CCSAP: variants seen among roughly 807,000 people sequenced by gnomAD.
CCSAP encodes centriole, cilia and spindle associated protein, also known as centriole, cilia and spindle-associated protein.
A neutral mutation model predicts 25.9 loss-of-function variants in CCSAP; 17 were observed. The ratio of observed to expected loss-of-function variants is 0.66; its 90% CI spans 0.45 to 0.99. CCSAP has a LOEUF of 0.99. CCSAP is among the 50% of genes least tolerant of loss of function. The pLI, the probability that CCSAP is intolerant of heterozygous loss-of-function variation, is 0.00. For missense variants in CCSAP, 339 were observed against 367.8 expected (o/e 0.92, Z 0.64); for synonymous variants, 169 against 157.1 (o/e 1.08, Z -0.57).
rs116804109 is a variant in CCSAP, at chr1:229,329,598, C to T, written c.368-2592G>A. ...TAGGAATGAGGCCCCTAGCTCCACACGTGGAAGATGGGTGAGATCAGAAAT... is the reference window on the plus strand; with the variant it reads ...TAGGAATGAGGCCCCTAGCTCCACATGTGGAAGATGGGTGAGATCAGAAAT... On this transcript the variant is annotated intron_variant, in intron 2 of 3. Coordinates refer to ENST00000284617, the MANE Select transcript of CCSAP (RefSeq NM_145257.5). Among the ~76,000 whole-genome samples, 1,043 of 152,234 alleles carry T rather than the reference C, an allele frequency of 6.9e-3. 11 individuals are homozygous for T. Among genetic ancestry groups the T allele is most frequent in the African/African-American group, 0.024 (1,000 of 41,532 alleles).
chr1:229,331,392 C>T (rs547460500), intron 2 of CCSAP, among the ~76,000 whole-genome samples: 101 of 152,122 alleles, frequency 6.6e-4, no homozygotes, highest in Non-Finnish European at 1.1e-3. Flanking sequence ...AACTCATCAC[C>T]GTAACATTAA....
intron 2 of CCSAP, among the ~76,000 whole-genome samples, chr1:229,337,538 A>G (rs1658218571): frequency 6.6e-6 from 1 of 150,986 alleles, no homozygotes; most frequent in Non-Finnish European, 1.5e-5. Context: ...GGAACAGGCC[A>G]AGCAAAAGGA....
chr1:229,335,189 C>T (rs1490112074), intron 2 of CCSAP, among the ~76,000 whole-genome samples: 1 of 152,124 alleles, frequency 6.6e-6, no homozygotes, highest in Admixed American at 6.5e-5. Context: ...TATAATGACG[C>T]ACACCTGTGG....
chr1:229,341,009 C>T (rs1371826078), intron 2 of CCSAP, among the ~76,000 whole-genome samples: 1 of 152,084 alleles, frequency 6.6e-6, no homozygotes, highest in African/African-American at 2.4e-5. Context: ...GCCTGACCAA[C>T]ATGGTGAAAC....
rs768451855 is a variant in CCSAP, at chr1:229,325,227, G to A, written c.*8C>T. ...TTTTTAAAAGAGGCTGTCCACGCAA[G>A]TGTTTCTTTAAGCTCTTGCCGAATA... On this transcript the variant is annotated 3_prime_UTR_variant, in exon 4 of 4. Transcript: ENST00000284617. The A allele has an allele frequency of 1.9e-6, 3 of 1,585,216 alleles. No individual in the cohort carries two copies. The highest frequency in any genetic ancestry group is 1.9e-5 in the Admixed American group (1 of 51,728).
At position 229,325,013 on chromosome 1, in the gene CCSAP, A is replaced by G. The variant is rs1322080957; in HGVS notation, c.*222T>C. The G allele has an allele frequency of 2.3e-6, 1 of 436,266 alleles. No homozygotes were observed. The highest frequency in any genetic ancestry group is 4.0e-6 in the Non-Finnish European group (1 of 246,968). 27.0% of individuals were successfully genotyped at this position (436,266 alleles called of 1,614,324 possible). ...ATCAAAGATTTAGGGAATTATCTTC[A>G]TAAATAACCAAATGTCTATGGCTTC... On this transcript the variant is annotated 3_prime_UTR_variant, in exon 4 of 4. Coordinates refer to ENST00000284617, the MANE Select transcript of CCSAP (RefSeq NM_145257.5).
intron 2 of CCSAP, among the ~76,000 whole-genome samples, chr1:229,328,775 T>TA (rs1658003502): frequency 6.6e-6 from 1 of 152,238 alleles, no homozygotes; most frequent in Non-Finnish European, 1.5e-5. Context: ...CACATACTTG[T>TA]AAGAAACCTT....
Position 229,326,734 on chromosome 1 carries a change from G to C in CCSAP, c.636+4C>G. 6 of 1,613,736 alleles carry C rather than the reference G, an allele frequency of 3.7e-6. No homozygotes were observed. Among genetic ancestry groups the C allele is most frequent in the Non-Finnish European group, 4.2e-6 (5 of 1,179,668 alleles). Reference sequence around the variant, plus strand: ...ACACAGAACCACAAGGGCCCAGAGCGCACCTCGTGCACAGGAGCGGACGCA... The same window carrying C: ...ACACAGAACCACAAGGGCCCAGAGCCCACCTCGTGCACAGGAGCGGACGCA... On this transcript the variant is annotated splice_donor_region_variant and intron_variant, in intron 3 of 3. Coordinates refer to ENST00000284617, the MANE Select transcript of CCSAP (RefSeq NM_145257.5).
chr1:229,323,560 A>T lies in CCSAP; in HGVS notation c.*1675T>A, dbSNP rs2102689665. 1 of 152,354 alleles carries T rather than the reference A, an allele frequency of 6.6e-6. No individual in the cohort carries two copies. Among genetic ancestry groups the T allele is most frequent in the Non-Finnish European group, 1.5e-5 (1 of 68,032 alleles). 9.4% of individuals were successfully genotyped at this position (152,354 alleles called of 1,614,324 possible). The stretch of plus-strand genomic sequence containing the variant: ...CCTGTGTCGTTTAAAGACTTTAATA[A>T]TAGTTAATACCAAAATTCACCAGTT... On this transcript the variant is annotated 3_prime_UTR_variant, in exon 4 of 4. Transcript: ENST00000284617.
intron 2 of CCSAP, 105 bp downstream of exon 2, chr1:229,341,994 A>G: frequency 8.2e-7 from 1 of 1,225,658 alleles, no homozygotes; most frequent in Non-Finnish European, 1.0e-6. Context: ...AAAAAAAGGA[A>G]GAGCCAGCCC....
intron 2 of CCSAP, among the ~76,000 whole-genome samples, chr1:229,336,717 A>G (rs1318892038): frequency 6.6e-6 from 1 of 152,242 alleles, no homozygotes; most frequent in Admixed American, 6.5e-5. Context: ...GGAAGAGACC[A>G]AAATTATGCA....
intron 3 of CCSAP, among the ~76,000 whole-genome samples, chr1:229,325,876 A>T (rs1657928487): frequency 6.6e-6 from 1 of 152,234 alleles, no homozygotes. Flanking sequence ...ATCCTGTTAA[A>T]ATTAATCCCA....
In CCSAP at chr1:229,342,381, C is replaced by T; in HGVS notation, c.85G>A (p.Glu29Lys). 1.3e-6 allele frequency: 2 copies of T among 1,503,934 alleles called. No individual in the cohort carries two copies. Among genetic ancestry groups the T allele is most frequent in the Non-Finnish European group, 1.8e-6 (2 of 1,124,054 alleles). 93.2% of individuals were successfully genotyped at this position (1,503,934 alleles called of 1,614,324 possible). ...RWEEYGPCYRELLHYRLGRRL... is the reference protein window; with the variant it reads ...RWEEYGPCYRKLLHYRLGRRL... ...CGGCCTAGGCGGTAGTGCAGCAGCT[C>T]GCGGTAGCACGGCCCGTACTCCTCC... The change falls in exon 2 of 4, where the codon GAG becomes AAG. Residue 29 changes from glutamate (E) to lysine (K), a missense_variant. Physicochemically the swap from Glu to Lys is moderately conservative, Grantham distance 56. Transcript: ENST00000284617. This position sits in a 1 kb window ranked among gnomAD's most constrained non-coding sequence, Gnocchi z 7.5.
At chr1:229,337,945 TAAGC>T (rs1220940916) in intron 2 of CCSAP, among the ~76,000 whole-genome samples, 4 of 150,882 alleles carry the variant, frequency 2.7e-5, no homozygotes, top group Non-Finnish European at 4.4e-5. Flanking sequence ...AAAAACAAAA[TAAGC>T]AAACAAAAAA....
rs941977109 is a variant in CCSAP, at chr1:229,342,524, C to G, written c.-48-11G>C. ...CTCGCTGCCCGCAGCCTACGGGACC[C>G]GGTACACGACACAGAGGCCGCCCCG... On this transcript the variant is annotated splice_polypyrimidine_tract_variant and intron_variant, in intron 1 of 3. Coordinates refer to ENST00000284617, the MANE Select transcript of CCSAP (RefSeq NM_145257.5). This position sits in a 1 kb window ranked among gnomAD's most constrained non-coding sequence, Gnocchi z 7.5. 177 of 1,176,904 alleles carry G rather than the reference C, an allele frequency of 1.5e-4. No homozygotes were observed. The African/African-American group carries it at 2.5e-3, about 17-fold the overall frequency. 72.9% of individuals were successfully genotyped at this position (1,176,904 alleles called of 1,614,324 possible).
rs1216934461 is a variant in CCSAP at position 229,342,522 on chromosome 1, C to A, written c.-48-9G>T. The A allele has an allele frequency of 4.9e-6, 6 of 1,213,008 alleles. No individual in the cohort carries two copies. Among genetic ancestry groups the A allele is most frequent in the African/African-American group, 3.1e-5 (2 of 63,692 alleles). 75.1% of individuals were successfully genotyped at this position (1,213,008 alleles called of 1,614,324 possible). A position where few individuals can be genotyped will look rare whatever the true frequency, so the allele number is the denominator to read the frequency against. ...TCCTCGCTGCCCGCAGCCTACGGGA[C>A]CCGGTACACGACACAGAGGCCGCCC... On this transcript the variant is annotated splice_polypyrimidine_tract_variant and intron_variant, in intron 1 of 3. Coordinates refer to ENST00000284617, the MANE Select transcript of CCSAP (RefSeq NM_145257.5). The surrounding 1 kb of genome is among the most constrained non-coding windows in gnomAD (Gnocchi z 7.5).
In CCSAP at chr1:229,342,419, T is replaced by C; in HGVS notation, c.47A>G (p.Gln16Arg). The change falls in exon 2 of 4, where the codon CAG becomes CGG. Residue 16 changes from glutamine (Q) to arginine (R), a missense_variant. Gln to Arg is a conservative substitution (Grantham distance 43). Transcript: ENST00000284617. This position sits in a 1 kb window ranked among gnomAD's most constrained non-coding sequence, Gnocchi z 7.5. ...GVKSEYMKRY[Q>R]EPRWEEYGPC... ...CCCGTACTCCTCCCAGCGCGGCTCCTGGTAGCGCTTCATGTACTCGCTCTT... is the reference window on the plus strand; with the variant it reads ...CCCGTACTCCTCCCAGCGCGGCTCCCGGTAGCGCTTCATGTACTCGCTCTT... The C allele has an allele frequency of 7.0e-7, 1 of 1,438,670 alleles. No homozygotes were observed. 89.1% of individuals were successfully genotyped at this position (1,438,670 alleles called of 1,614,324 possible). A position where few individuals can be genotyped will look rare whatever the true frequency, so the allele number is the denominator to read the frequency against.
intron 2 of CCSAP, among the ~76,000 whole-genome samples, chr1:229,340,191 A>C (rs1341552869): frequency 6.6e-6 from 1 of 152,236 alleles, no homozygotes; most frequent in African/African-American, 2.4e-5. Flanking sequence ...TCCACTTAAA[A>C]ACCAGGATAT....
intron 2 of CCSAP, chr1:229,340,374 C>T: frequency 1.4e-6 from 1 of 714,300 alleles, no homozygotes; most frequent in East Asian, 2.7e-5. Context: ...TTAAGGAAAC[C>T]AAAATAATCA....
Sources: gnomAD v4.1 joint callset for allele counts (sites outside exome capture counted in the v4.1 genomes callset) on GRCh38, gnomAD v4.1.1 for gene constraint, Gnocchi (gnomAD v3.1) non-coding constraint, MANE v1.5 for transcripts, NCBI Gene and HGNC (gene_info 2026-07-23, HGNC 2026-07-21) for gene names.